The following YRDC variants were observed in gnomAD, a reference collection of about 807,000 sequenced individuals.
YRDC encodes the protein threonylcarbamoyl-AMP synthase.
Under a neutral mutation model 21.5 loss-of-function variants are expected in YRDC, and 17 were observed. That is an observed-to-expected ratio of 0.79 (90% CI 0.54 to 1.19). The LOEUF (loss-of-function observed/expected upper bound fraction) is 1.19. YRDC is among the 50% of genes most tolerant of loss of function. The probability of loss-of-function intolerance (pLI) is 0.00; values close to 1 mark genes in which losing one functional copy is unlikely to be tolerated. For synonymous variants in YRDC, 193 were observed against 176.7 expected, an observed-to-expected ratio of 1.09 and a Z score of -0.73; for missense variants, 380 against 397.1, an observed-to-expected ratio of 0.96 and a Z score of 0.37.
intron 4 of YRDC, 85 bp downstream of exon 4, chr1:37,804,217 G>C: frequency 6.4e-7 from 1 of 1,553,078 alleles, no homozygotes; most frequent in Non-Finnish European, 8.7e-7. Context: ...AACATAGGAG[G>C]CACCATCTTT....
chr1:37,805,304 A>G (rs943853737), intron 3 of YRDC, among the ~76,000 whole-genome samples: 8 of 152,176 alleles, frequency 5.3e-5, no homozygotes, highest in Non-Finnish European at 1.0e-4. Context: ...TGGTCACTTA[A>G]TGGCTGCGTA....
chr1:37,807,061 T>G (rs1325443246), intron 2 of YRDC, 40 bp downstream of exon 2: 3 of 1,613,792 alleles, frequency 1.9e-6, no homozygotes, highest in Non-Finnish European at 1.7e-6. Context: ...GAAAGCCAAG[T>G]GGCCTGGAGT....
At chr1:37,806,223 C>G (rs949467726) in intron 3 of YRDC, among the ~76,000 whole-genome samples, 3 of 149,248 alleles carry the variant, frequency 2.0e-5, no homozygotes, top group Non-Finnish European at 3.0e-5. Flanking sequence ...TTTTAAGAGA[C>G]AGAGTCTCGC....
At chr1:37,806,805 A>G (rs1483705431) in intron 3 of YRDC, 52 bp downstream of exon 3, 14 of 1,611,936 alleles carry the variant, frequency 8.7e-6, no homozygotes, top group Middle Eastern at 3.7e-4. Context: ...GATTCACAGA[A>G]AACAGTATGT....
chr1:37,808,174 G>T lies in YRDC; in HGVS notation c.7C>A (p.Pro3Thr). Reference protein sequence around the residue: MSPARRCRGMRAA... With the variant: MSTARRCRGMRAA... ...CTCATCCCCCTGCACCGACGCGCCG[G>T]AGACATCCGCCCAGGCCCGCTTCCG... The change falls in exon 1 of 5, where the codon CCG becomes ACG. Residue 3 changes from proline (P) to threonine (T), a missense_variant. By Grantham distance (38) the Pro-to-Thr change is conservative. Around this residue, in one of 3 missense-constraint regions of YRDC, gnomAD observed 91 missense variants for 64.7 expected, o/e 1.41. Coordinates refer to ENST00000373044, the MANE Select transcript of YRDC (RefSeq NM_024640.4). The T allele has an allele frequency of 1.4e-6, 2 of 1,454,760 alleles. No individual in the cohort carries two copies. Among genetic ancestry groups the T allele is most frequent in the South Asian group, 1.3e-5 (1 of 76,110 alleles). 90.1% of individuals were successfully genotyped at this position (1,454,760 alleles called of 1,614,324 possible). A position where few individuals can be genotyped will look rare whatever the true frequency, so the allele number is the denominator to read the frequency against.
intron 1 of YRDC, chr1:37,807,518 GTGTT>G (rs1646747417): frequency 9.9e-6 from 6 of 607,814 alleles, no homozygotes; most frequent in South Asian, 4.7e-5. Flanking sequence ...TTAAGCTACT[GTGTT>G]TGTTTGCTTT....
chr1:37,807,765 AGC>A, intron 1 of YRDC, 25 bp downstream of exon 1: 1 of 1,477,896 alleles, frequency 6.8e-7, no homozygotes, highest in Non-Finnish European at 9.0e-7. Flanking sequence ...TGCCGCCCCT[AGC>A]GGGGCCGGGT....
chr1:37,804,987 A>G (rs1646725526), intron 3 of YRDC, among the ~76,000 whole-genome samples: 1 of 152,196 alleles, frequency 6.6e-6, no homozygotes, highest in Non-Finnish European at 1.5e-5. Flanking sequence ...TAAAAAGACC[A>G]GGCATGGTGG....
chr1:37,807,028 G>GT (rs1557579034), intron 2 of YRDC, 52 bp from the exon 3 acceptor site: 1 of 1,613,932 alleles, frequency 6.2e-7, no homozygotes, highest in East Asian at 2.2e-5. Flanking sequence ...GGATAAGAGG[G>GT]TAAGTCTTAT....
chr1:37,804,182 A>G, intron 4 of YRDC, 120 bp downstream of exon 4: 4 of 1,503,678 alleles, frequency 2.7e-6, no homozygotes, highest in Non-Finnish European at 2.7e-6. Flanking sequence ...CACTTCTCCA[A>G]ACCTGGCCCA....
chr1:37,806,780 A>C (rs989538831), intron 3 of YRDC, 77 bp downstream of exon 3: 35 of 1,599,826 alleles, frequency 2.2e-5, no homozygotes, highest in Middle Eastern at 2.1e-4. Context: ...ATCCCAGTGT[A>C]CTATCAATGC....
At chr1:37,807,552 A>G (rs145828308) in intron 1 of YRDC, 45 of 786,502 alleles carry the variant, frequency 5.7e-5, no homozygotes, top group South Asian at 1.8e-4. Flanking sequence ...GGCCTCCCCA[A>G]TTAGCACAAA....
chr1:37,807,189 C>T lies in YRDC; in HGVS notation c.416G>A (p.Gly139Glu), dbSNP rs200247553. The change falls in exon 2 of 5, where the codon GGG (glycine) becomes GAG (glutamate). Residue 139 changes from glycine to glutamate, a missense_variant. Physicochemically the swap from Gly to Glu is moderately conservative, Grantham distance 98. Coordinates refer to ENST00000373044, the MANE Select transcript of YRDC (RefSeq NM_024640.4). Reference sequence around the variant, plus strand: ...TCCTGGCAGTAGGTCTTTCAGGAGCCCCTCAGGTACTCTCACACGGCAGTA... The same window carrying T: ...TCCTGGCAGTAGGTCTTTCAGGAGCTCCTCAGGTACTCTCACACGGCAGTA... ...YRYCRVRVPEGLLKDLLPGPV... is the reference protein window; with the variant it reads ...YRYCRVRVPEELLKDLLPGPV... 1.2e-6 allele frequency: 2 copies of T among 1,614,056 alleles called. No individual in the cohort carries two copies. Among genetic ancestry groups the T allele is most frequent in the East Asian group, 2.2e-5 (1 of 44,886 alleles).
rs1646716448 is a variant in YRDC at position 37,803,671 on chromosome 1, G to A, written c.*254C>T. ...AACTTATTAGAATAAGGCCACCTAGGAATGTTCTTAACTTTTCCATTCAGC... is the reference window on the plus strand; with the variant it reads ...AACTTATTAGAATAAGGCCACCTAGAAATGTTCTTAACTTTTCCATTCAGC... On this transcript the variant is annotated 3_prime_UTR_variant, in exon 5 of 5. Coordinates refer to ENST00000373044, the MANE Select transcript of YRDC (RefSeq NM_024640.4). 9 of 460,684 alleles carry A rather than the reference G, an allele frequency of 2.0e-5. No individual in the cohort carries two copies. The East Asian group carries it at 3.0e-4, about 15-fold the overall frequency. The allele number at this position is 460,684 out of a possible 1,614,324, so 28.5% of individuals were successfully genotyped here.
intron 3 of YRDC, 65 bp downstream of exon 3, chr1:37,806,792 A>T: frequency 6.2e-7 from 1 of 1,608,772 alleles, no homozygotes; most frequent in Non-Finnish European, 8.5e-7. Context: ...TATCAATGCC[A>T]CTGATTCACA....
In YRDC at chr1:37,807,929, G is replaced by C. The variant is rs976134466; in HGVS notation, c.252C>G (p.Ala84=). Residue 84 remains alanine, a synonymous_variant, in exon 1 of 5, where the codon GCC becomes GCG. Transcript: ENST00000373044. ...VAELRAGAVV[A]VPTDTLYGLA... The stretch of plus-strand genomic sequence containing the variant: ...GGCCGTACAGCGTATCGGTGGGGAC[G>C]GCCACCACGGCGCCGGCGCGCAGCT... The C allele has an allele frequency of 8.0e-7, 1 of 1,254,914 alleles. No homozygotes were observed. Among genetic ancestry groups the C allele is most frequent in the Non-Finnish European group, 1.0e-6 (1 of 998,890 alleles). 77.7% of individuals were successfully genotyped at this position (1,254,914 alleles called of 1,614,324 possible). A position where few individuals can be genotyped will look rare whatever the true frequency, so the allele number is the denominator to read the frequency against.
chr1:37,808,068 G>A lies in YRDC; in HGVS notation c.113C>T (p.Pro38Leu). Residue 38 changes from proline (P) to leucine (L), a missense_variant, in exon 1 of 5, where the codon CCC becomes CTC. Physicochemically the swap from Pro to Leu is moderately conservative, Grantham distance 98. Coordinates refer to ENST00000373044, the MANE Select transcript of YRDC (RefSeq NM_024640.4). ...CCGGGCGCCGGGGGCCGCCGGAGCG[G>A]GACTCGGCGGGCGGAAGAGGCGACC... Reference protein sequence around the residue: ...RSGRLFRPPSPAPAAPGARLL... With the variant: ...RSGRLFRPPSLAPAAPGARLL... 8.9e-6 allele frequency: 12 copies of A among 1,354,420 alleles called. No homozygotes were observed. Among genetic ancestry groups the A allele is most frequent in the South Asian group, 1.8e-5 (1 of 56,452 alleles). 83.9% of individuals were successfully genotyped at this position (1,354,420 alleles called of 1,614,324 possible).
At position 37,807,871 on chromosome 1, in the gene YRDC, G is replaced by A; in HGVS notation, c.310C>T (p.Arg104Cys). ...CGACCCTTGAGGCGGTACACAGCGC[G>A]CAGAGCCGCCGAGCAGCTCGCCGCG... ...ACAASCSAAL[R>C]AVYRLKGRSE... The change falls in exon 1 of 5, where the codon CGC becomes TGC. Residue 104 changes from arginine (R) to cysteine (C), a missense_variant. Physicochemically the swap from Arg to Cys is radical, Grantham distance 180. Coordinates refer to ENST00000373044, the MANE Select transcript of YRDC (RefSeq NM_024640.4). 8 of 1,471,386 alleles carry A rather than the reference G, an allele frequency of 5.4e-6. No homozygotes were observed. Among genetic ancestry groups the A allele is most frequent in the Non-Finnish European group, 7.2e-6 (8 of 1,111,294 alleles). 91.1% of individuals were successfully genotyped at this position (1,471,386 alleles called of 1,614,324 possible).
chr1:37,806,201 CTT>C (rs398052912), intron 3 of YRDC, among the ~76,000 whole-genome samples: 17 of 144,246 alleles, frequency 1.2e-4, no homozygotes, highest in Admixed American at 1.4e-4. Flanking sequence ...TAAACTTCAT[CTT>C]TTTTTTTTTT....
Sources: allele counts gnomAD v4.1 joint callset (sites outside exome capture counted in the v4.1 genomes callset), GRCh38; gene constraint gnomAD v4.1.1; regional missense constraint gnomAD v4.1.1; transcripts MANE v1.5; gene names NCBI Gene and HGNC (gene_info 2026-07-23, HGNC 2026-07-21).